Variants in AGBL4 observed in about 807,000 individuals in gnomAD.
AGBL4 encodes the protein AGBL carboxypeptidase 4.
AGBL4 carries 58 observed loss-of-function variants against 66.4 expected under a neutral mutation model. The observed-to-expected ratio is 0.87, with a 90% CI of 0.71 to 1.09. The LOEUF is 1.09. Ranked by LOEUF, AGBL4 falls within the 50% of genes least tolerant of loss-of-function variation. AGBL4 has a pLI of 0.00. For missense variants in AGBL4, 579 were observed against 631.0 expected (o/e 0.92, Z 0.88); for synonymous variants, 234 against 222.9 (o/e 1.05, Z -0.44).
chr1:48,971,486 A>C (rs1169963481), intron 5 of AGBL4, among the ~76,000 whole-genome samples: 3 of 152,280 alleles, frequency 2.0e-5, no homozygotes, highest in Non-Finnish European at 2.9e-5. Context: ...GGGAAAAAAA[A>C]CAGAAAAACT....
In AGBL4 at chr1:49,362,535, C is replaced by T. The variant is rs193146646; in HGVS notation, c.283-116671G>A. Among the ~76,000 whole-genome samples the T allele has an allele frequency of 1.6e-4, 24 of 149,904 alleles. No individual in the cohort carries two copies. The East Asian group carries it at 4.0e-3, about 25-fold the overall frequency. On this transcript the variant is annotated intron_variant, in intron 3 of 13. Transcript: ENST00000371839. The stretch of plus-strand genomic sequence containing the variant: ...GAGAAGGACTGAAAACTTTCTAGAA[C>T]TCAGCAAACTTCAGCCGAGGGAGTA...
At chr1:48,738,158 T>C (rs1649355788) in intron 6 of AGBL4, among the ~76,000 whole-genome samples, 1 of 152,216 alleles carries the variant, frequency 6.6e-6, no homozygotes, top group African/African-American at 2.4e-5. Flanking sequence ...GCAAAACTTC[T>C]TCCTTTACCA....
At chr1:49,631,633 A>T (rs1354771507) in intron 3 of AGBL4, among the ~76,000 whole-genome samples, 1 of 152,182 alleles carries the variant, frequency 6.6e-6, no homozygotes, top group Non-Finnish European at 1.5e-5. Flanking sequence ...ACTGTGACTG[A>T]ACCATTTCCA....
chr1:48,566,901 G>C (rs2148308160), intron 11 of AGBL4, among the ~76,000 whole-genome samples: 1 of 152,302 alleles, frequency 6.6e-6, no homozygotes, highest in South Asian at 2.1e-4. Flanking sequence ...GGCTGAGGTG[G>C]GAGGATCGCT....
chr1:49,936,914 G>C (rs918047352), intron 1 of AGBL4, among the ~76,000 whole-genome samples: 4 of 152,186 alleles, frequency 2.6e-5, no homozygotes, highest in Admixed American at 2.0e-4. Context: ...ATCGAGGCTA[G>C]GAAGAAACTG....
chr1:48,822,745 G>A (rs1430217096), intron 6 of AGBL4, among the ~76,000 whole-genome samples: 1 of 152,170 alleles, frequency 6.6e-6, no homozygotes, highest in African/African-American at 2.4e-5. Flanking sequence ...TGCAGGCCTT[G>A]GAACTTGTCA....
chr1:48,678,418 G>A (rs1557873424), intron 6 of AGBL4, among the ~76,000 whole-genome samples: 1 of 152,116 alleles, frequency 6.6e-6, no homozygotes, highest in Non-Finnish European at 1.5e-5. Context: ...AAAAATCCCA[G>A]TCCCTTCCAC....
At chr1:49,410,232 G>A (rs1021957093) in intron 3 of AGBL4, among the ~76,000 whole-genome samples, 2 of 152,136 alleles carry the variant, frequency 1.3e-5, no homozygotes, top group African/African-American at 4.8e-5. Flanking sequence ...GTGCTCAGTC[G>A]GCTGCATTCC....
intron 3 of AGBL4, among the ~76,000 whole-genome samples, chr1:49,397,489 A>G (rs2148604604): frequency 6.6e-6 from 1 of 152,306 alleles, no homozygotes; most frequent in Non-Finnish European, 1.5e-5. Context: ...ACCTTACTTT[A>G]CTGTGCCAAA....
At chr1:48,868,011 C>T (rs1027265349) in intron 5 of AGBL4, among the ~76,000 whole-genome samples, 3 of 152,134 alleles carry the variant, frequency 2.0e-5, no homozygotes, top group Admixed American at 6.5e-5. Flanking sequence ...GAAGTGGGTA[C>T]AGGAGGCTGC....
chr1:49,948,128 ATAAATATATG>A (rs1487304591), intron 1 of AGBL4, among the ~76,000 whole-genome samples: 2 of 103,588 alleles, frequency 1.9e-5, no homozygotes, highest in Non-Finnish European at 3.4e-5. Context: ...GTAAATATAT[ATAAATATATG>A]TAAATATATA....
rs551090098 is a variant in AGBL4 at position 48,800,542 on chromosome 1, G to C, written c.634+66649C>G. The stretch of plus-strand genomic sequence containing the variant: ...CTTTTCTTCTGCTGGTTTTACATTT[G>C]GTTTGTTCTTGTTTCTCTAGTTCCT... On this transcript the variant is annotated intron_variant, in intron 6 of 13. Transcript: ENST00000371839. 1.9e-3 allele frequency among the ~76,000 whole-genome samples: 283 copies of C among 152,092 alleles called. 2 individuals carry two copies. Among genetic ancestry groups the C allele is most frequent in the African/African-American group, 6.4e-3 (267 of 41,504 alleles).
chr1:48,917,178 C>G lies in AGBL4; in HGVS notation c.595-49948G>C, dbSNP rs963468125. Among the ~76,000 whole-genome samples, 26 of 151,776 alleles carry G rather than the reference C, an allele frequency of 1.7e-4. No individual in the cohort carries two copies. In the East Asian group the frequency reaches 4.6e-3, roughly 27 times the overall value. On this transcript the variant is annotated intron_variant, in intron 5 of 13. Transcript: ENST00000371839. Reference sequence around the variant, plus strand: ...TCCAGGACCTGTTCTTATTGCTGACCAAGAGGTCACATATTTGATGTTTTA... The same window carrying G: ...TCCAGGACCTGTTCTTATTGCTGACGAAGAGGTCACATATTTGATGTTTTA...
At chr1:49,555,146 CTGATTGGCCCATTTTA>C (rs1653320152) in intron 3 of AGBL4, among the ~76,000 whole-genome samples, 1 of 152,150 alleles carries the variant, frequency 6.6e-6, no homozygotes, top group Non-Finnish European at 1.5e-5. Context: ...TTACAGAGAG[CTGATTGGCCCATTTTA>C]CAAAGAACTG....
intron 3 of AGBL4, among the ~76,000 whole-genome samples, chr1:49,383,596 TA>T (rs902371125): frequency 1.3e-5 from 2 of 151,936 alleles, no homozygotes; most frequent in Non-Finnish European, 2.9e-5. Context: ...TATCCACATG[TA>T]AAAAAATGAG....
At chr1:49,069,829 G>C (rs995239232) in intron 4 of AGBL4, among the ~76,000 whole-genome samples, 1 of 151,888 alleles carries the variant, frequency 6.6e-6, no homozygotes, top group African/African-American at 2.4e-5. Flanking sequence ...GGGCAGTATA[G>C]CCATTTTCAC....
rs1222355801 is a variant in AGBL4, at chr1:49,492,294, A to G, written c.282+205019T>C. Among the ~76,000 whole-genome samples the G allele has an allele frequency of 2.6e-5, 4 of 152,108 alleles. No homozygotes were observed. The East Asian group carries it at 7.8e-4, about 30-fold the overall frequency. ...TCAATGATTAACAGACAGGTTGTGTATATAGTGTGAATATGCTGGAAAAAT... is the reference window on the plus strand; with the variant it reads ...TCAATGATTAACAGACAGGTTGTGTGTATAGTGTGAATATGCTGGAAAAAT... On this transcript the variant is annotated intron_variant, in intron 3 of 13. Coordinates refer to ENST00000371839, the MANE Select transcript of AGBL4 (RefSeq NM_032785.4).
chr1:49,692,176 A>T (rs982578221), intron 3 of AGBL4, among the ~76,000 whole-genome samples: 1 of 152,122 alleles, frequency 6.6e-6, no homozygotes, highest in Non-Finnish European at 1.5e-5. Flanking sequence ...TTTAATTTTC[A>T]CAAGACCCCT....
chr1:49,680,114 G>A (rs1304893753), intron 3 of AGBL4, among the ~76,000 whole-genome samples: 6 of 141,332 alleles, frequency 4.2e-5, no homozygotes, highest in Non-Finnish European at 6.0e-5. Context: ...GCAGTGGTGC[G>A]CTCTTGGCTC....
Sources: allele counts gnomAD v4.1 joint callset (sites outside exome capture counted in the v4.1 genomes callset), GRCh38; gene constraint gnomAD v4.1.1; transcripts MANE v1.5; gene names NCBI Gene and HGNC (gene_info 2026-07-23, HGNC 2026-07-21).